The following MYBPC1 variants were observed in gnomAD, a reference collection of about 807,000 sequenced individuals.
The protein encoded by MYBPC1 is myosin-binding protein C, slow-type.
MYBPC1 carries 52 observed loss-of-function variants against 147.1 expected under a neutral mutation model. That is an observed-to-expected ratio of 0.35 (90% confidence interval 0.28 to 0.45). The LOEUF (loss-of-function observed/expected upper bound fraction) is 0.45. Ranked by LOEUF, MYBPC1 falls within the 20% of genes least tolerant of loss-of-function variation. The pLI, the probability that MYBPC1 is intolerant of heterozygous loss-of-function variation, is 1.00. For missense variants in MYBPC1, 1,228 were observed against 1,440.3 expected (o/e 0.85, Z 2.39); for synonymous variants, 477 against 475.9 (o/e 1.00, Z -0.03).
At chr12:101,668,628 T>C (rs60827809) in intron 23 of MYBPC1, among the ~76,000 whole-genome samples, 17,094 of 151,976 alleles carry the variant, frequency 0.11, 1,177 homozygotes, top group East Asian at 0.3. Flanking sequence ...GCCTGGCTAA[T>C]TTTTTTGGTA....
At chr12:101,695,313 G>A in the MYBPC1 span, among the ~76,000 whole-genome samples, 525 of 152,288 alleles carry the variant, frequency 3.4e-3, 5 homozygotes, top group African/African-American at 0.012. Context: ...AGGACAGGTG[G>A]CTTATATAGC....
At chr12:101,603,873 A>G (rs1881125217) in intron 1 of MYBPC1, among the ~76,000 whole-genome samples, 1 of 152,174 alleles carries the variant, frequency 6.6e-6, no homozygotes, top group South Asian at 2.1e-4. Flanking sequence ...GGAGGCTGCA[A>G]TGAGCCATGA....
intron 18 of MYBPC1, among the ~76,000 whole-genome samples, chr12:101,653,474 T>G (rs971971823): frequency 7.9e-6 from 1 of 127,142 alleles, no homozygotes; most frequent in Non-Finnish European, 1.7e-5. Context: ...TAGCAAAGCA[T>G]GTTTTGATGC....
At chr12:101,595,625 G>T (rs113623172) in intron 1 of MYBPC1, among the ~76,000 whole-genome samples, 1,609 of 151,926 alleles carry the variant, frequency 0.011, 17 homozygotes, top group Non-Finnish European at 0.016. Flanking sequence ...GTTCTTATCA[G>T]TGCCTTTGGA....
intron 1 of MYBPC1, among the ~76,000 whole-genome samples, chr12:101,609,753 A>G (rs1242263609): frequency 1.3e-5 from 2 of 152,212 alleles, no homozygotes; most frequent in Non-Finnish European, 2.9e-5. Context: ...CTAAAAGGCA[A>G]TTCATTTACC....
rs1247985393 is a variant in MYBPC1, at chr12:101,648,169, G to A, written c.1196+19G>A. ...TAAAATGGTAAATAGCCTTAATGAA[G>A]TCTGTCCATGTTTAATAGACAAAAA... is the stretch of plus-strand genomic sequence containing the variant. On this transcript the variant is annotated intron_variant, in intron 14 of 31. Transcript: ENST00000361466. The A allele has an allele frequency of 3.8e-6, 6 of 1,561,914 alleles. No homozygotes were observed. The African/African-American group carries it at 6.1e-5, about 16-fold the overall frequency.
At chr12:101,604,627 T>C (rs1026428506) in intron 1 of MYBPC1, among the ~76,000 whole-genome samples, 1 of 152,218 alleles carries the variant, frequency 6.6e-6, no homozygotes, top group Non-Finnish European at 1.5e-5. Flanking sequence ...ATATAATTTG[T>C]CTTAAATTAT....
At chr12:101,599,970 A>G (rs989766851) in intron 1 of MYBPC1, among the ~76,000 whole-genome samples, 2 of 152,184 alleles carry the variant, frequency 1.3e-5, no homozygotes, top group African/African-American at 4.8e-5. Context: ...TGCTTTTATG[A>G]CTGCTCCGAC....
At chr12:101,595,157 A>C (rs979841174) in intron 1 of MYBPC1, 62 bp downstream of exon 1, 1 of 1,375,768 alleles carries the variant, frequency 7.3e-7, no homozygotes, top group South Asian at 1.2e-5. Flanking sequence ...TTTGGTATTT[A>C]TCTTCAAACA....
At chr12:101,651,466 T>G in intron 16 of MYBPC1, 73 bp downstream of exon 16, 1 of 1,578,086 alleles carries the variant, frequency 6.3e-7, no homozygotes, top group South Asian at 1.1e-5. Flanking sequence ...AATTACATAT[T>G]TGGTGAGGAT....
chr12:101,639,325 T>G (rs1891576546), intron 10 of MYBPC1, among the ~76,000 whole-genome samples: 1 of 152,168 alleles, frequency 6.6e-6, no homozygotes. Context: ...CCTACAGAAA[T>G]TTGGCTTTTT....
chr12:101,597,786 T>G (rs1877954411), intron 1 of MYBPC1, among the ~76,000 whole-genome samples: 1 of 152,312 alleles, frequency 6.6e-6, no homozygotes. Flanking sequence ...GTACTGTCTA[T>G]TCCAGATAAA....
At chr12:101,694,719 G>A in the MYBPC1 span, among the ~76,000 whole-genome samples, 1 of 150,348 alleles carries the variant, frequency 6.7e-6, no homozygotes, top group Non-Finnish European at 1.5e-5. Flanking sequence ...TTCAGTCTAC[G>A]GTATTTTATT....
intron 3 of MYBPC1, among the ~76,000 whole-genome samples, chr12:101,619,255 G>A (rs1020219905): frequency 2.0e-5 from 3 of 151,334 alleles, no homozygotes; most frequent in Non-Finnish European, 2.9e-5. Context: ...TCCAACTCAG[G>A]TTTCACTTCT....
intron 1 of MYBPC1, among the ~76,000 whole-genome samples, chr12:101,600,176 A>T (rs1309504978): frequency 6.6e-6 from 1 of 152,224 alleles, no homozygotes; most frequent in Non-Finnish European, 1.5e-5. Context: ...GGACTGGTCA[A>T]AGGTGGAAGT....
At chr12:101,682,790 C>A in intron 30 of MYBPC1, 128 bp downstream of exon 30, 1 of 857,406 alleles carries the variant, frequency 1.2e-6, no homozygotes, top group Non-Finnish European at 1.9e-6. Context: ...CAGCTCATGG[C>A]ATACAGTGCT....
chr12:101,617,055 AATTCATGT>A (rs1886264684), intron 2 of MYBPC1, 139 bp from the exon 3 acceptor site: 1 of 688,962 alleles, frequency 1.5e-6, no homozygotes, highest in African/African-American at 1.8e-5. Flanking sequence ...CTAAATTCAT[AATTCATGT>A]ACAGCACGAG....
intron 1 of MYBPC1, among the ~76,000 whole-genome samples, chr12:101,610,958 T>C (rs528087033): frequency 6.6e-6 from 1 of 152,194 alleles, no homozygotes; most frequent in South Asian, 2.1e-4. Context: ...ACTTGCAAAA[T>C]GGAGATAATC....
At chr12:101,605,152 TG>T (rs1486598490) in intron 1 of MYBPC1, among the ~76,000 whole-genome samples, 11 of 152,192 alleles carry the variant, frequency 7.2e-5, no homozygotes, top group Admixed American at 1.3e-4. Context: ...GGTCAGAAGC[TG>T]TTAGGTAAGT....
Sources: allele counts gnomAD v4.1 joint callset (sites outside exome capture counted in the v4.1 genomes callset), GRCh38; gene constraint gnomAD v4.1.1; transcripts MANE v1.5; gene names NCBI Gene and HGNC (gene_info 2026-07-23, HGNC 2026-07-21).